Variants in GPHN observed in about 807,000 individuals in gnomAD.
GPHN encodes gephyrin.
In GPHN, 17 loss-of-function variants were observed where a neutral mutation model predicts 95.5. The observed-to-expected ratio is 0.18, with a 90% CI of 0.12 to 0.27. GPHN has a LOEUF of 0.27. Ranked by LOEUF, GPHN falls within the 10% of genes least tolerant of loss-of-function variation. The pLI is 1.00. For synonymous variants in GPHN, 320 were observed against 322.5 expected (o/e 0.99, Z 0.08); for missense variants, 660 against 978.1 (o/e 0.67, Z 4.34).
chr14:67,586,677 T>G, the GPHN span: 1 of 545,916 alleles, frequency 1.8e-6, no homozygotes, highest in Admixed American at 3.6e-5. Context: ...TGTGATTAAC[T>G]GGAAACCCTG....
chr14:66,882,383 T>C (rs560038333), intron 5 of GPHN, among the ~76,000 whole-genome samples: 2 of 151,808 alleles, frequency 1.3e-5, no homozygotes, highest in Non-Finnish European at 3.0e-5. Flanking sequence ...CCTATTTTTA[T>C]GTCTAGAGAG....
chr14:67,176,644 A>G (rs2082970207), intron 21 of GPHN, among the ~76,000 whole-genome samples: 1 of 152,186 alleles, frequency 6.6e-6, no homozygotes, highest in African/African-American at 2.4e-5. Flanking sequence ...TAGTTTCAGA[A>G]GGAATGGTAC....
intron 4 of GPHN, among the ~76,000 whole-genome samples, chr14:66,836,898 C>T (rs2061848494): frequency 1.3e-5 from 2 of 150,870 alleles, no homozygotes; most frequent in African/African-American, 4.9e-5. Flanking sequence ...AATGAGATAC[C>T]ATCTCACACC....
intron 11 of GPHN, among the ~76,000 whole-genome samples, chr14:67,078,235 C>A (rs142672760): frequency 6.6e-6 from 1 of 152,044 alleles, no homozygotes; most frequent in African/African-American, 2.4e-5. Flanking sequence ...TTATATTAAT[C>A]GCCTATTGGG....
chr14:67,253,838 CAAAAAGAAAAAAAA>C, the GPHN span, among the ~76,000 whole-genome samples: 19 of 133,108 alleles, frequency 1.4e-4, no homozygotes, highest in Non-Finnish European at 4.7e-5. Context: ...GACCCTGTCT[CAAAAAGAAAAAAAA>C]AAAAAGACAT....
At chr14:67,003,067 G>A (rs969145005) in intron 9 of GPHN, among the ~76,000 whole-genome samples, 1 of 151,452 alleles carries the variant, frequency 6.6e-6, no homozygotes, top group African/African-American at 2.4e-5. Flanking sequence ...CATTCTGCCA[G>A]GTGACTATCT....
chr14:66,701,180 G>T, intron 2 of GPHN, among the ~76,000 whole-genome samples: 1 of 152,104 alleles, frequency 6.6e-6, no homozygotes, highest in South Asian at 2.1e-4. Context: ...ACATATGCAT[G>T]TAAGTGCAAT....
At chr14:66,815,387 A>C (rs2060921076) in intron 3 of GPHN, among the ~76,000 whole-genome samples, 2 of 152,186 alleles carry the variant, frequency 1.3e-5, no homozygotes, top group South Asian at 4.1e-4. Flanking sequence ...AGTAAAAATG[A>C]AAGAAAACAT....
chr14:66,673,973 T>G (rs536650768), intron 1 of GPHN, among the ~76,000 whole-genome samples: 1 of 152,310 alleles, frequency 6.6e-6, no homozygotes, highest in Non-Finnish European at 1.5e-5. Flanking sequence ...CTCAAACACT[T>G]AACAATTCTT....
intron 1 of GPHN, among the ~76,000 whole-genome samples, chr14:66,663,561 A>G (rs1281178582): frequency 1.3e-5 from 2 of 152,194 alleles, no homozygotes; most frequent in Non-Finnish European, 2.9e-5. Flanking sequence ...TAAAGTAACC[A>G]CAAGTTATTT....
the GPHN span, among the ~76,000 whole-genome samples, chr14:67,513,705 C>T: frequency 2.0e-5 from 3 of 152,096 alleles, no homozygotes; most frequent in Non-Finnish European, 4.4e-5. Context: ...CACAGGCAGG[C>T]GGGAGAGTCC....
chr14:66,625,098 T>C, intron 1 of GPHN, among the ~76,000 whole-genome samples: 1 of 152,160 alleles, frequency 6.6e-6, no homozygotes, highest in Admixed American at 6.6e-5. Context: ...CTTCTTCTTT[T>C]TGAGGCAGGG....
the GPHN span, among the ~76,000 whole-genome samples, chr14:67,680,548 C>T: frequency 5.9e-5 from 9 of 152,296 alleles, no homozygotes; most frequent in South Asian, 1.9e-3. Flanking sequence ...ACTACAACCT[C>T]CCCAGGCTCA....
chr14:67,479,032 CT>C, the GPHN span, among the ~76,000 whole-genome samples: 6 of 152,186 alleles, frequency 3.9e-5, no homozygotes, highest in South Asian at 1.0e-3. Context: ...ATCATATGTG[CT>C]TTTTTTCTTT....
At chr14:66,850,010 A>C (rs1006837488) in intron 4 of GPHN, among the ~76,000 whole-genome samples, 8 of 152,090 alleles carry the variant, frequency 5.3e-5, no homozygotes, top group African/African-American at 1.9e-4. Flanking sequence ...TTTCTTCCTA[A>C]TAAGTTAGTT....
intron 4 of GPHN, among the ~76,000 whole-genome samples, chr14:66,829,479 C>T (rs768576245): frequency 1.5e-4 from 23 of 152,100 alleles, no homozygotes; most frequent in Admixed American, 7.9e-4. Flanking sequence ...GATTATGAAA[C>T]TCATTTCTAT....
At chr14:67,645,729 C>T in the GPHN span, 7 of 1,613,950 alleles carry the variant, frequency 4.3e-6, no homozygotes, top group African/African-American at 2.7e-5. Flanking sequence ...GACATCAACA[C>T]ACCCCTTACC....
At position 66,704,823 on chromosome 14, in the gene GPHN, T is replaced by C. The variant is rs375060450; in HGVS notation, c.143+23638T>C. Among the ~76,000 whole-genome samples the C allele has an allele frequency of 7.4e-3, 1,119 of 152,002 alleles. 18 individuals carry two copies. The highest frequency in any genetic ancestry group is 0.026 in the African/African-American group (1,067 of 41,462). Reference sequence around the variant, plus strand: ...AGAAATAACTAAGATCAGAGCAGAATTGAAGGAGATAGAGACACAAAAACC... The same window carrying C: ...AGAAATAACTAAGATCAGAGCAGAACTGAAGGAGATAGAGACACAAAAACC... On this transcript the variant is annotated intron_variant, in intron 2 of 22. Transcript: ENST00000478722.
chr14:66,590,606 A>T (rs566656063), intron 1 of GPHN, among the ~76,000 whole-genome samples: 16 of 152,310 alleles, frequency 1.1e-4, no homozygotes, highest in African/African-American at 3.6e-4. Context: ...TAAACCTGGA[A>T]GAAGTTGAAT....
Sources: allele counts gnomAD v4.1 joint callset (sites outside exome capture counted in the v4.1 genomes callset), GRCh38; gene constraint gnomAD v4.1.1; transcripts MANE v1.5; gene names NCBI Gene and HGNC (gene_info 2026-07-23, HGNC 2026-07-21).